Variants in SLC44A5 observed in about 807,000 individuals in gnomAD.
SLC44A5 encodes choline transporter-like protein 5.
In SLC44A5, 57 loss-of-function variants were observed where a neutral mutation model predicts 101.8. That is an observed-to-expected ratio of 0.56 (90% confidence interval 0.45 to 0.70). The LOEUF (loss-of-function observed/expected upper bound fraction) is 0.70, where lower values mean the gene tolerates loss of function less well. Ranked by LOEUF, SLC44A5 falls within the 30% of genes least tolerant of loss-of-function variation. The pLI, the probability that SLC44A5 is intolerant of heterozygous loss-of-function variation, is 0.00. For synonymous variants in SLC44A5, 281 were observed against 290.9 expected, an observed-to-expected ratio of 0.97 and a Z score of 0.35; for missense variants, 737 against 853.1, an observed-to-expected ratio of 0.86 and a Z score of 1.70.
Position 75,306,164 on chromosome 1 carries a change from C to A in SLC44A5, c.102-5479G>T, listed in dbSNP as rs184055696. On this transcript the variant is annotated intron_variant, in intron 4 of 23. Coordinates refer to ENST00000370859, the MANE Select transcript of SLC44A5 (RefSeq NM_001130058.2). ...AATATATGTATATCGTCTAAGGCTA[C>A]TTTCTTTTGCTACAATGGCTTAGTA... Among the ~76,000 whole-genome samples the A allele has an allele frequency of 1.3e-4, 20 of 152,324 alleles. No homozygotes were observed. The East Asian group carries it at 3.3e-3, about 25-fold the overall frequency.
chr1:75,549,582 G>A (rs1234212122), intron 1 of SLC44A5, among the ~76,000 whole-genome samples: 2 of 152,072 alleles, frequency 1.3e-5, no homozygotes, highest in African/African-American at 4.8e-5. Context: ...AGGTGCAGAT[G>A]GTAGGAATGA....
intron 20 of SLC44A5, 121 bp from the exon 21 acceptor site, chr1:75,214,110 C>T: frequency 1.5e-6 from 1 of 673,460 alleles, no homozygotes; most frequent in Non-Finnish European, 2.6e-6. Flanking sequence ...TTGTATTTGG[C>T]AATTGTTTTG....
intron 23 of SLC44A5, among the ~76,000 whole-genome samples, chr1:75,207,537 C>T (rs973868940): frequency 4.6e-5 from 7 of 152,266 alleles, no homozygotes; most frequent in African/African-American, 1.7e-4. Flanking sequence ...CAATTCACAG[C>T]AGATAGTAGC....
chr1:75,693,954 T>C, the SLC44A5 span, among the ~76,000 whole-genome samples: 1 of 151,750 alleles, frequency 6.6e-6, no homozygotes, highest in Non-Finnish European at 1.5e-5. Flanking sequence ...AATGGGAAGA[T>C]GAGAACTGGA....
At chr1:75,358,531 A>G (rs1250081267) in intron 3 of SLC44A5, among the ~76,000 whole-genome samples, 1 of 152,198 alleles carries the variant, frequency 6.6e-6, no homozygotes, top group Non-Finnish European at 1.5e-5. Context: ...TACTACAATC[A>G]TACTAATTAA....
intron 5 of SLC44A5, among the ~76,000 whole-genome samples, chr1:75,299,845 C>CA (rs1654285416): frequency 6.7e-6 from 1 of 148,512 alleles, no homozygotes; most frequent in Admixed American, 6.7e-5. Context: ...CTTGTCTCTA[C>CA]TAAAAAAAAA....
intron 3 of SLC44A5, among the ~76,000 whole-genome samples, chr1:75,387,239 G>A (rs968498371): frequency 1.1e-4 from 16 of 151,890 alleles, no homozygotes; most frequent in African/African-American, 2.2e-4. Context: ...GTGCTTCTGC[G>A]CAGCAAAAGA....
chr1:75,348,562 T>C (rs1291830596), intron 3 of SLC44A5, among the ~76,000 whole-genome samples: 1 of 152,180 alleles, frequency 6.6e-6, no homozygotes, highest in African/African-American at 2.4e-5. Flanking sequence ...TCAAACTCTA[T>C]TCCACCTGTA....
Position 75,248,918 on chromosome 1 carries a change from T to A in SLC44A5, c.345+2292A>T, listed in dbSNP as rs545808092. ...GAGAGACTGTGGAATCTAAGTCAGG[T>A]AAGGAGAGAGATGCAAACCTGAGGG... On this transcript the variant is annotated intron_variant, in intron 7 of 23. Coordinates refer to ENST00000370859, the MANE Select transcript of SLC44A5 (RefSeq NM_001130058.2). Among the ~76,000 whole-genome samples the A allele has an allele frequency of 1.5e-4, 23 of 152,038 alleles. No homozygotes were observed. The South Asian group carries it at 4.4e-3, about 29-fold the overall frequency.
At chr1:75,617,811 A>C in the SLC44A5 span, among the ~76,000 whole-genome samples, 52 of 152,206 alleles carry the variant, frequency 3.4e-4, 1 homozygote, top group Admixed American at 4.6e-4. Context: ...ACTGTGTATA[A>C]TATTAGACTT....
At chr1:75,241,547 A>C (rs1648631792) in intron 9 of SLC44A5, among the ~76,000 whole-genome samples, 1 of 151,990 alleles carries the variant, frequency 6.6e-6, no homozygotes, top group South Asian at 2.1e-4. Flanking sequence ...TACAGTTCAT[A>C]ATTTTAAAGA....
At chr1:75,425,175 A>G (rs1664237890) in intron 2 of SLC44A5, among the ~76,000 whole-genome samples, 1 of 152,256 alleles carries the variant, frequency 6.6e-6, no homozygotes, top group Non-Finnish European at 1.5e-5. Context: ...CAAGAGGTAC[A>G]GCAAAAGGAG....
the SLC44A5 span, among the ~76,000 whole-genome samples, chr1:75,669,392 CA>C: frequency 6.6e-6 from 1 of 152,126 alleles, no homozygotes; most frequent in East Asian, 1.9e-4. Context: ...TTGACACTCC[CA>C]AACAAACTTT....
chr1:75,677,887 G>T, the SLC44A5 span: 1 of 330,654 alleles, frequency 3.0e-6, no homozygotes, highest in Non-Finnish European at 5.8e-6. Flanking sequence ...GACAGTGGGC[G>T]CAGGTCAGTG....
At chr1:75,467,017 G>A (rs1666859049) in intron 2 of SLC44A5, among the ~76,000 whole-genome samples, 3 of 151,934 alleles carry the variant, frequency 2.0e-5, no homozygotes, top group East Asian at 1.9e-4. Context: ...TACGAAAATC[G>A]GTAACATTTC....
chr1:75,484,181 T>G (rs893027426), intron 2 of SLC44A5, among the ~76,000 whole-genome samples: 1 of 152,152 alleles, frequency 6.6e-6, no homozygotes, highest in Non-Finnish European at 1.5e-5. Context: ...AAGTCTTAAC[T>G]CATTCCAGCA....
intron 3 of SLC44A5, among the ~76,000 whole-genome samples, chr1:75,340,996 T>C (rs979069347): frequency 1.3e-5 from 2 of 152,214 alleles, no homozygotes; most frequent in Non-Finnish European, 2.9e-5. Flanking sequence ...CTGCATTCCC[T>C]TTTCTCACTT....
At chr1:75,295,652 A>G (rs911883602) in intron 5 of SLC44A5, among the ~76,000 whole-genome samples, 4 of 152,188 alleles carry the variant, frequency 2.6e-5, no homozygotes, top group Non-Finnish European at 4.4e-5. Flanking sequence ...TTGGGAACCA[A>G]TGTTTGAATA....
chr1:75,497,698 G>C (rs1030650706), intron 2 of SLC44A5, among the ~76,000 whole-genome samples: 1 of 152,032 alleles, frequency 6.6e-6, no homozygotes, highest in Non-Finnish European at 1.5e-5. Context: ...TCTATATTCA[G>C]TTTGTAGTAA....
Sources: gnomAD v4.1 joint callset for allele counts (sites outside exome capture counted in the v4.1 genomes callset) on GRCh38, gnomAD v4.1.1 for gene constraint, MANE v1.5 for transcripts, NCBI Gene and HGNC (gene_info 2026-07-23, HGNC 2026-07-21) for gene names.